Variants in PAM observed in about 807,000 individuals in gnomAD.
The protein encoded by PAM is peptidyl-glycine alpha-amidating monooxygenase.
A neutral mutation model predicts 122.1 loss-of-function variants in PAM; 72 were observed. That is an observed-to-expected ratio of 0.59 (90% CI 0.49 to 0.72). The LOEUF (loss-of-function observed/expected upper bound fraction) is 0.72, where lower values mean the gene tolerates loss of function less well. PAM is among the 30% of genes least tolerant of loss of function. The pLI, the probability that PAM is intolerant of heterozygous loss-of-function variation, is 0.00. For synonymous variants in PAM, 389 were observed against 404.4 expected, an observed-to-expected ratio of 0.96 and a Z score of 0.46; for missense variants, 1,106 against 1,183.7, an observed-to-expected ratio of 0.93 and a Z score of 0.96.
chr5:102,824,874 C>T (rs528134284), intron 1 of PAM, among the ~76,000 whole-genome samples: 27 of 152,240 alleles, frequency 1.8e-4, no homozygotes, highest in African/African-American at 6.3e-4. Context: ...ACATAGTTAG[C>T]ATATTATTGC....
intron 4 of PAM, among the ~76,000 whole-genome samples, chr5:102,904,147 C>T (rs1581534405): frequency 6.6e-6 from 1 of 151,592 alleles, no homozygotes; most frequent in East Asian, 2.0e-4. Context: ...GAGAATGAAG[C>T]TATAGCCTTT....
chr5:102,865,304 C>T (rs1785224666), intron 1 of PAM: 1 of 152,190 alleles, frequency 6.6e-6, no homozygotes, highest in Non-Finnish European at 1.5e-5. Flanking sequence ...GGATCTGTAG[C>T]TCTGTGATGC....
chr5:102,922,091 C>G (rs893568167), intron 5 of PAM, among the ~76,000 whole-genome samples: 1 of 151,702 alleles, frequency 6.6e-6, no homozygotes, highest in Non-Finnish European at 1.5e-5. Context: ...TAAGCTAATT[C>G]AGCTCTTTAA....
chr5:102,942,834 G>T (rs761956921), intron 7 of PAM, among the ~76,000 whole-genome samples: 1 of 150,694 alleles, frequency 6.6e-6, no homozygotes, highest in Non-Finnish European at 1.5e-5. Flanking sequence ...GCCTTCCAAA[G>T]TGCTGGGATT....
chr5:102,900,208 A>G (rs1278567527), intron 3 of PAM, among the ~76,000 whole-genome samples: 1 of 117,534 alleles, frequency 8.5e-6, no homozygotes, highest in East Asian at 2.9e-4. Context: ...GTGACCTGTT[A>G]GAAACTGTGC....
intron 15 of PAM, among the ~76,000 whole-genome samples, chr5:102,977,699 C>CAA (rs943839477): frequency 1.4e-5 from 2 of 146,364 alleles, no homozygotes; most frequent in African/African-American, 5.2e-5. Context: ...CACACACACA[C>CAA]AAAATACAGC....
intron 1 of PAM, among the ~76,000 whole-genome samples, chr5:102,815,141 T>C (rs1333648740): frequency 6.6e-6 from 1 of 152,174 alleles, no homozygotes; most frequent in African/African-American, 2.4e-5. Context: ...TCCCCGTCAT[T>C]TCCCCACTGC....
chr5:103,012,291 G>A (rs1471831620), intron 21 of PAM, among the ~76,000 whole-genome samples: 2 of 152,034 alleles, frequency 1.3e-5, no homozygotes, highest in African/African-American at 2.4e-5. Flanking sequence ...GTTGATTTTT[G>A]CATTGGTTGC....
Position 103,007,469 on chromosome 5 carries a change from G to A in PAM, c.2027G>A (p.Ser676Asn), listed in dbSNP as rs141371288. Residue 676 changes from serine to asparagine, a missense_variant, in exon 20 of 26, where the codon AGC (serine) becomes AAC (asparagine). Ser to Asn is a conservative substitution (Grantham distance 46). Transcript: ENST00000438793. ...TTTTGTTCTGCAGAGTCTTCAGGGA[G>A]CAGTCCTCTGCCAGGCCAGTTCACT... ...ITQWGEESSG[S>N]SPLPGQFTVP... 1.1e-5 allele frequency: 18 copies of A among 1,613,688 alleles called. No homozygotes were observed. The highest frequency in any genetic ancestry group is 1.4e-5 in the Non-Finnish European group (17 of 1,179,800).
chr5:102,933,137 A>T (rs1474942787), intron 7 of PAM, among the ~76,000 whole-genome samples: 3 of 152,208 alleles, frequency 2.0e-5, no homozygotes, highest in South Asian at 4.1e-4. Flanking sequence ...AAAGCAGGCA[A>T]GATCACACCT....
intron 7 of PAM, among the ~76,000 whole-genome samples, chr5:102,935,981 A>C (rs968128898): frequency 2.0e-5 from 3 of 152,152 alleles, no homozygotes; most frequent in Admixed American, 2.0e-4. Context: ...GGTAATTTGC[A>C]GTGTTTTTGT....
chr5:102,924,757 CT>C (rs1353955215), intron 5 of PAM, among the ~76,000 whole-genome samples, 199 bp from the exon 6 acceptor site: 3 of 151,746 alleles, frequency 2.0e-5, no homozygotes, highest in African/African-American at 4.8e-5. Flanking sequence ...AAAAAGTTTC[CT>C]CTTTTATGTG....
At chr5:102,880,779 T>G (rs1790720861) in intron 3 of PAM, among the ~76,000 whole-genome samples, 1 of 151,812 alleles carries the variant, frequency 6.6e-6, no homozygotes, top group Non-Finnish European at 1.5e-5. Context: ...AGATAAATAT[T>G]AAAATCAATA....
At chr5:102,972,747 A>G (rs964763463) in intron 14 of PAM, among the ~76,000 whole-genome samples, 1 of 152,236 alleles carries the variant, frequency 6.6e-6, no homozygotes, top group African/African-American at 2.4e-5. Context: ...GTGAGGCAGA[A>G]TGCCACTGTG....
chr5:102,949,709 G>A (rs1469922665), intron 10 of PAM, 92 bp downstream of exon 10: 1 of 772,168 alleles, frequency 1.3e-6, no homozygotes, highest in Non-Finnish European at 2.3e-6. Context: ...CCTTAAGTCT[G>A]TTTCAATGAA....
chr5:102,948,293 A>G, intron 8 of PAM, 85 bp from the exon 9 acceptor site: 2 of 672,864 alleles, frequency 3.0e-6, no homozygotes, highest in Non-Finnish European at 5.3e-6. Flanking sequence ...TTTATAAACC[A>G]AAGTATTGAG....
chr5:103,025,029 A>C, intron 23 of PAM, 102 bp from the exon 24 acceptor site: 1 of 774,390 alleles, frequency 1.3e-6, no homozygotes, highest in Non-Finnish European at 2.1e-6. Context: ...GGAGTCAACA[A>C]GTTCTTTGTG....
intron 2 of PAM, among the ~76,000 whole-genome samples, chr5:102,866,965 AT>A (rs1785778114): frequency 6.6e-6 from 1 of 152,150 alleles, no homozygotes; most frequent in Admixed American, 6.5e-5. Flanking sequence ...GTTTTGACAT[AT>A]TTTTATATGA....
At chr5:102,921,614 A>G (rs932162783) in intron 5 of PAM, among the ~76,000 whole-genome samples, 1 of 152,194 alleles carries the variant, frequency 6.6e-6, no homozygotes, top group African/African-American at 2.4e-5. Flanking sequence ...AATTAAACCA[A>G]TGTTTGCTTG....
Sources: gnomAD v4.1 joint callset for allele counts (sites outside exome capture counted in the v4.1 genomes callset) on GRCh38, gnomAD v4.1.1 for gene constraint, MANE v1.5 for transcripts, NCBI Gene and HGNC (gene_info 2026-07-23, HGNC 2026-07-21) for gene names.